Variants in ESRRG observed in about 807,000 individuals in gnomAD.
ESRRG encodes the protein estrogen-related receptor gamma.
Under a neutral mutation model 44.0 loss-of-function variants are expected in ESRRG, and 13 were observed. The observed-to-expected ratio is 0.30, with a 90% confidence interval of 0.19 to 0.47. ESRRG has a LOEUF of 0.47. Among genes scored for constraint, ESRRG ranks in the 20% least tolerant of loss-of-function variants. ESRRG has a pLI of 1.00. For synonymous variants in ESRRG, 215 were observed against 214.6 expected (o/e 1.00, Z -0.02); for missense variants, 395 against 580.6 (o/e 0.68, Z 3.29).
chr1:216,585,907 G>A (rs536256691), intron 3 of ESRRG, among the ~76,000 whole-genome samples: 282 of 152,260 alleles, frequency 1.9e-3, no homozygotes, highest in African/African-American at 6.6e-3. Flanking sequence ...AGGCGTGGTT[G>A]TGGGTGCCTG....
intron 3 of ESRRG, among the ~76,000 whole-genome samples, chr1:216,576,144 G>A (rs891000587): frequency 2.0e-5 from 3 of 152,038 alleles, no homozygotes; most frequent in African/African-American, 4.8e-5. Context: ...TTACAGTTCA[G>A]GAGGGAGTCC....
intron 1 of ESRRG, among the ~76,000 whole-genome samples, chr1:217,122,936 C>T (rs1007604506): frequency 3.9e-5 from 6 of 152,032 alleles, no homozygotes; most frequent in African/African-American, 1.5e-4. Context: ...AGGTTATCCG[C>T]CTGCCTCGGC....
At chr1:217,127,840 A>AAC (rs1395758938) in intron 1 of ESRRG, among the ~76,000 whole-genome samples, 2 of 152,248 alleles carry the variant, frequency 1.3e-5, no homozygotes, top group African/African-American at 4.8e-5. Context: ...TTAAAAAGGA[A>AAC]ACACACTAAA....
chr1:217,078,757 CCTT>C (rs2091523560), intron 1 of ESRRG, among the ~76,000 whole-genome samples: 1 of 152,134 alleles, frequency 6.6e-6, no homozygotes. Flanking sequence ...CTTATAGAAA[CCTT>C]TGTATGTAAG....
At chr1:216,730,759 G>A (rs1232279938) in intron 2 of ESRRG, among the ~76,000 whole-genome samples, 1 of 152,094 alleles carries the variant, frequency 6.6e-6, no homozygotes, top group Non-Finnish European at 1.5e-5. Flanking sequence ...GAGATAAGAT[G>A]ATTGGAAAAA....
chr1:216,952,360 A>G (rs1370960304), intron 1 of ESRRG, among the ~76,000 whole-genome samples: 1 of 152,192 alleles, frequency 6.6e-6, no homozygotes, highest in Non-Finnish European at 1.5e-5. Flanking sequence ...TGCAAAGGGC[A>G]GCGTGGAAAC....
intron 6 of ESRRG, among the ~76,000 whole-genome samples, chr1:216,510,651 C>T (rs959032818): frequency 2.0e-5 from 3 of 151,996 alleles, no homozygotes; most frequent in South Asian, 2.1e-4. Context: ...TTTGGGAGGC[C>T]GAGGCAGGCA....
chr1:217,089,107 C>G (rs181551283), intron 1 of ESRRG, among the ~76,000 whole-genome samples: 1 of 152,136 alleles, frequency 6.6e-6, no homozygotes, highest in East Asian at 1.9e-4. Context: ...CCCAACGACC[C>G]CTGCTCCATA....
At chr1:216,968,009 G>T (rs1222582817) in intron 1 of ESRRG, among the ~76,000 whole-genome samples, 1 of 152,082 alleles carries the variant, frequency 6.6e-6, no homozygotes, top group African/African-American at 2.4e-5. Context: ...GATGTTGATT[G>T]TCTATCTTAT....
chr1:216,526,310 A>G (rs1302679754), intron 5 of ESRRG, among the ~76,000 whole-genome samples: 1 of 152,142 alleles, frequency 6.6e-6, no homozygotes, highest in East Asian at 1.9e-4. Flanking sequence ...TCACATTAAG[A>G]TGAGGTCATT....
At chr1:216,742,828 G>A (rs188405705) in intron 2 of ESRRG, among the ~76,000 whole-genome samples, 224 of 152,010 alleles carry the variant, frequency 1.5e-3, no homozygotes, top group African/African-American at 5.1e-3. Flanking sequence ...AATTCACATC[G>A]CCCTCTGGTG....
chr1:216,732,102 AT>A (rs1205889446), intron 2 of ESRRG, among the ~76,000 whole-genome samples: 2 of 144,672 alleles, frequency 1.4e-5, no homozygotes, highest in African/African-American at 5.2e-5. Context: ...AAAAAAGAAA[AT>A]AAAAAATAAA....
rs1400146582 is a variant in ESRRG, at chr1:216,912,247, AGAGGAGAGGAGAGGAGAGGG to A, written c.-14+27315_-14+27334del. Among the ~76,000 whole-genome samples, 427 of 42,962 alleles carry A rather than the reference AGAGGAGAGGAGAGGAGAGGG, an allele frequency of 9.9e-3. 33 individuals are homozygous for A. The highest frequency in any genetic ancestry group is 0.026 in the African/African-American group (333 of 12,752). The allele number at this position is 42,962 out of a possible 152,430, so 28.2% of individuals were successfully genotyped here. Reference sequence around the variant, plus strand: ...AGAGGAGAGGAGAGGAGAGGAGAGGAGAGGAGAGGAGAGGAGAGGGGAGGGGAGGAGAGGGGAGGAGAGGA... The same window carrying A: ...AGAGGAGAGGAGAGGAGAGGAGAGGAGAGGGGAGGAGAGGGGAGGAGAGGA... On this transcript the variant is annotated intron_variant, in intron 2 of 7. Coordinates refer to the ESRRG transcript ENST00000359162.
intron 1 of ESRRG, among the ~76,000 whole-genome samples, chr1:216,954,432 A>G (rs1001597475): frequency 2.0e-5 from 3 of 152,144 alleles, no homozygotes; most frequent in Non-Finnish European, 2.9e-5. Flanking sequence ...TGGAAATTCC[A>G]TCATTATTCC....
chr1:216,680,939 C>G (rs2151555078), intron 1 of ESRRG, among the ~76,000 whole-genome samples: 1 of 152,168 alleles, frequency 6.6e-6, no homozygotes, highest in South Asian at 2.1e-4. Context: ...ACCTTTTTGT[C>G]AGAAAGAGCC....
At chr1:216,946,359 A>C (rs924045775) in intron 1 of ESRRG, among the ~76,000 whole-genome samples, 1 of 152,186 alleles carries the variant, frequency 6.6e-6, no homozygotes, top group African/African-American at 2.4e-5. Flanking sequence ...ATTTATCTTT[A>C]ACACTTCTGA....
intron 1 of ESRRG, among the ~76,000 whole-genome samples, chr1:217,123,797 T>C (rs1371398060): frequency 6.6e-6 from 1 of 152,238 alleles, no homozygotes; most frequent in South Asian, 2.1e-4. Flanking sequence ...AAAGAGCTAA[T>C]GCATGCTGGG....
rs4846520 is a variant in ESRRG, at chr1:216,539,845, C to A, written c.863-20424G>T. 3.8e-4 allele frequency among the ~76,000 whole-genome samples: 57 copies of A among 151,702 alleles called. 1 individual carries two copies. Among genetic ancestry groups the A allele is most frequent in the Admixed American group, 2.4e-3 (36 of 15,248 alleles). On this transcript the variant is annotated intron_variant, in intron 5 of 6. Transcript: ENST00000408911. The stretch of plus-strand genomic sequence containing the variant: ...TCTCACCTTTGACGCAAAAAAAAAG[C>A]GAATTAAGTTAATTTGAGATGTAAA...
chr1:216,882,270 A>T (rs1300835346), intron 2 of ESRRG, among the ~76,000 whole-genome samples: 1 of 152,126 alleles, frequency 6.6e-6, no homozygotes. Context: ...CAGCTTTGAA[A>T]CAAAATGCAA....
Sources: gnomAD v4.1 joint callset for allele counts (sites outside exome capture counted in the v4.1 genomes callset) on GRCh38, gnomAD v4.1.1 for gene constraint, MANE v1.5 for transcripts, NCBI Gene and HGNC (gene_info 2026-07-23, HGNC 2026-07-21) for gene names.